The following TFDP2 variants were observed in gnomAD, a reference collection of about 807,000 sequenced individuals.
TFDP2 encodes transcription factor Dp-2 (E2F dimerization partner 2).
Under a neutral mutation model 59.3 loss-of-function variants are expected in TFDP2, and 17 were observed. The observed-to-expected ratio is 0.29, with a 90% confidence interval of 0.20 to 0.43. The LOEUF (loss-of-function observed/expected upper bound fraction) is 0.43, where lower values mean the gene tolerates loss of function less well. Among genes scored for constraint, TFDP2 ranks in the 20% least tolerant of loss-of-function variants. The probability of loss-of-function intolerance (pLI) is 1.00; values close to 1 mark genes in which losing one functional copy is unlikely to be tolerated. For synonymous variants in TFDP2, 180 were observed against 194.7 expected (o/e 0.92, Z 0.63); for missense variants, 391 against 528.8 (o/e 0.74, Z 2.56).
intron 1 of TFDP2, among the ~76,000 whole-genome samples, chr3:142,116,389 G>T (rs1218374345): frequency 6.6e-6 from 1 of 152,118 alleles, no homozygotes; most frequent in Non-Finnish European, 1.5e-5. Flanking sequence ...GAGGAAAAAA[G>T]AAACAAGAGA....
rs1238445955 is a variant in TFDP2 at position 142,073,029 on chromosome 3, C to T, written c.82+20032G>A. 2.6e-5 allele frequency among the ~76,000 whole-genome samples: 4 copies of T among 152,168 alleles called. 1 individual carries two copies. The highest frequency in any genetic ancestry group is 4.1e-4 in the South Asian group (2 of 4,828). On this transcript the variant is annotated intron_variant, in intron 3 of 12. Transcript: ENST00000489671. ...TGGAGAAACCTGACAAAAGCGACATCGGCCAGCTGATCAAGGTTCACATCA... is the reference window on the plus strand; with the variant it reads ...TGGAGAAACCTGACAAAAGCGACATTGGCCAGCTGATCAAGGTTCACATCA...
intron 3 of TFDP2, among the ~76,000 whole-genome samples, chr3:142,086,304 G>A (rs1470204429): frequency 6.6e-6 from 1 of 152,172 alleles, no homozygotes; most frequent in African/African-American, 2.4e-5. Context: ...GACCCTACCA[G>A]GAGATCGCAT....
At position 142,121,744 on chromosome 3, in the gene TFDP2, T is replaced by C. The variant is rs912759006; in HGVS notation, c.-92-19903A>G. Among the ~76,000 whole-genome samples, 2 of 151,922 alleles carry C rather than the reference T, an allele frequency of 1.3e-5. No homozygotes were observed. The highest frequency in any genetic ancestry group is 4.8e-5 in the African/African-American group (2 of 41,336). On this transcript the variant is annotated intron_variant, in intron 1 of 12. Coordinates refer to ENST00000489671, the MANE Select transcript of TFDP2 (RefSeq NM_001178139.2). This position sits in a 1 kb window ranked among gnomAD's most constrained non-coding sequence, Gnocchi z 4.3. ...GTTTAAAAAAGGCTCACACCTGTAATCCCAGCACTTCTGGGATGCTGAGGC... is the reference window on the plus strand; with the variant it reads ...GTTTAAAAAAGGCTCACACCTGTAACCCCAGCACTTCTGGGATGCTGAGGC...
chr3:142,019,666 T>C (rs1361608562), intron 3 of TFDP2, among the ~76,000 whole-genome samples: 1 of 150,608 alleles, frequency 6.6e-6, no homozygotes, highest in Non-Finnish European at 1.5e-5. Context: ...AACATCTTCT[T>C]ATACAATTTT....
At chr3:141,977,646 GTTGAC>G (rs1010037426) in intron 7 of TFDP2, among the ~76,000 whole-genome samples, 4 of 152,054 alleles carry the variant, frequency 2.6e-5, no homozygotes, top group Admixed American at 6.5e-5. Flanking sequence ...AAATTTTCTT[GTTGAC>G]TTAGACATTG....
At chr3:142,130,640 T>C (rs1220343377) in intron 1 of TFDP2, among the ~76,000 whole-genome samples, 1 of 152,096 alleles carries the variant, frequency 6.6e-6, no homozygotes, top group African/African-American at 2.4e-5. Flanking sequence ...TCCCGGGAAT[T>C]ATTGTTTAAT....
At chr3:141,965,920 C>G (rs1214002328) in intron 9 of TFDP2, among the ~76,000 whole-genome samples, 1 of 151,928 alleles carries the variant, frequency 6.6e-6, no homozygotes, top group African/African-American at 2.4e-5. Flanking sequence ...GAATTACATG[C>G]TTAAATACTC....
intron 3 of TFDP2, among the ~76,000 whole-genome samples, chr3:142,033,492 G>A (rs991884149): frequency 6.6e-6 from 1 of 151,978 alleles, no homozygotes; most frequent in African/African-American, 2.4e-5. Flanking sequence ...ACAACTTAGT[G>A]GGGCCCACAG....
chr3:142,126,938 C>A (rs1363359402), intron 1 of TFDP2, among the ~76,000 whole-genome samples: 1 of 130,024 alleles, frequency 7.7e-6, no homozygotes, highest in African/African-American at 2.8e-5. Flanking sequence ...AGAGTGAGAC[C>A]TTGTCTCAAA....
chr3:142,073,189 C>G (rs368397823), intron 3 of TFDP2, among the ~76,000 whole-genome samples: 82 of 152,262 alleles, frequency 5.4e-4, no homozygotes, highest in African/African-American at 2.0e-3. Context: ...CCCGCCTCAG[C>G]CTCCTGAGTA....
At chr3:142,144,369 CAA>C (rs574504532) in intron 1 of TFDP2, among the ~76,000 whole-genome samples, 13 of 124,006 alleles carry the variant, frequency 1.0e-4, no homozygotes, top group East Asian at 4.7e-4. Context: ...GGCTCTGTCT[CAA>C]AAAAAAAAAA....
chr3:142,074,605 A>G (rs2060376634), intron 3 of TFDP2, among the ~76,000 whole-genome samples: 1 of 151,976 alleles, frequency 6.6e-6, no homozygotes, highest in Non-Finnish European at 1.5e-5. Flanking sequence ...TAATCCCAGC[A>G]CCTTGGGAGG....
intron 3 of TFDP2, among the ~76,000 whole-genome samples, chr3:142,069,851 C>T (rs2060186144): frequency 1.4e-5 from 2 of 147,588 alleles, no homozygotes; most frequent in Non-Finnish European, 1.5e-5. Flanking sequence ...TCAGGTGATC[C>T]GCCCACCTCA....
chr3:142,122,012 A>G (rs2062065595), intron 1 of TFDP2, among the ~76,000 whole-genome samples: 1 of 152,198 alleles, frequency 6.6e-6, no homozygotes, highest in Non-Finnish European at 1.5e-5. Context: ...TAACGAGAAA[A>G]CAGTGGAGAT....
intron 3 of TFDP2, among the ~76,000 whole-genome samples, chr3:142,042,632 T>TTTC (rs1300884674): frequency 6.1e-4 from 6 of 9,854 alleles, no homozygotes; most frequent in Non-Finnish European, 1.0e-3. Context: ...TTTCTTTTCT[T>TTTC]TTTTTTTTTT....
intron 3 of TFDP2, among the ~76,000 whole-genome samples, chr3:142,087,925 C>T (rs1196718828): frequency 6.6e-6 from 1 of 152,178 alleles, no homozygotes; most frequent in Non-Finnish European, 1.5e-5. Flanking sequence ...ATTGTTACTT[C>T]CTCAGTGCAT....
At chr3:142,005,576 T>G in intron 3 of TFDP2, 32 bp from the exon 4 acceptor site, 1 of 1,511,426 alleles carries the variant, frequency 6.6e-7, no homozygotes, top group Non-Finnish European at 9.0e-7. Flanking sequence ...AAGTTAGTAT[T>G]CTGCCATACC....
chr3:141,962,873 TAG>T (rs1268982539), intron 10 of TFDP2, among the ~76,000 whole-genome samples: 2 of 152,246 alleles, frequency 1.3e-5, no homozygotes, highest in African/African-American at 2.4e-5. Flanking sequence ...GCAATTATTA[TAG>T]AGTCTTCTTT....
rs190038298 is a variant in TFDP2, at chr3:141,990,595, C to T, written c.356+2943G>A. ...AATTTAGTTCCTTTGATAAAGAATGCTTCCTCCTGGTTTCTTTGTTTGGTT... is the reference window on the plus strand; with the variant it reads ...AATTTAGTTCCTTTGATAAAGAATGTTTCCTCCTGGTTTCTTTGTTTGGTT... On this transcript the variant is annotated intron_variant, in intron 6 of 12. Transcript: ENST00000489671. Among the ~76,000 whole-genome samples the T allele has an allele frequency of 3.3e-5, 5 of 152,246 alleles. No individual in the cohort carries two copies. In the East Asian group the frequency reaches 9.7e-4, roughly 29 times the overall value.
Sources: gnomAD v4.1 joint callset for allele counts (sites outside exome capture counted in the v4.1 genomes callset) on GRCh38, gnomAD v4.1.1 for gene constraint, Gnocchi (gnomAD v3.1) non-coding constraint, MANE v1.5 for transcripts, NCBI Gene and HGNC (gene_info 2026-07-23, HGNC 2026-07-21) for gene names.